Variants in WDFY3 observed in about 807,000 individuals in gnomAD.
WDFY3 encodes the protein WD repeat and FYVE domain containing 3, also known as WD repeat and FYVE domain-containing protein 3.
A neutral mutation model predicts 409.6 loss-of-function variants in WDFY3; 66 were observed. That is an observed-to-expected ratio of 0.16 (90% CI 0.13 to 0.20). The LOEUF (loss-of-function observed/expected upper bound fraction) is 0.20. Among genes scored for constraint, WDFY3 ranks in the 10% least tolerant of loss-of-function variants. WDFY3 has a pLI of 1.00. For missense variants in WDFY3, 3,031 were observed against 4,298.1 expected (o/e 0.71, Z 8.24); for synonymous variants, 1,521 against 1,537.1 (o/e 0.99, Z 0.25).
intron 43 of WDFY3, 93 bp downstream of exon 43, chr4:84,734,950 C>G (rs1737190934): frequency 9.5e-7 from 1 of 1,048,278 alleles, no homozygotes; most frequent in Non-Finnish European, 1.4e-6. Context: ...CCAGCAAGTA[C>G]CTTAAAATGG....
At chr4:84,867,067 C>A (rs973188766) in intron 3 of WDFY3, among the ~76,000 whole-genome samples, 2 of 152,168 alleles carry the variant, frequency 1.3e-5, no homozygotes, top group Non-Finnish European at 2.9e-5. Flanking sequence ...GAGTTTCTTT[C>A]ATTTATAAAA....
At chr4:84,903,812 T>C (rs1009843291) in intron 2 of WDFY3, among the ~76,000 whole-genome samples, 9 of 152,318 alleles carry the variant, frequency 5.9e-5, no homozygotes, top group Non-Finnish European at 1.3e-4. Flanking sequence ...TTCAGATATT[T>C]AAGACACTAC....
chr4:84,869,929 T>C (rs1761927774), intron 3 of WDFY3, among the ~76,000 whole-genome samples: 1 of 152,170 alleles, frequency 6.6e-6, no homozygotes, highest in Admixed American at 6.5e-5. Context: ...GTAAAACTAA[T>C]AGGATTTCTC....
At chr4:84,770,562 A>G (rs989526065) in intron 30 of WDFY3, among the ~76,000 whole-genome samples, 3 of 152,176 alleles carry the variant, frequency 2.0e-5, no homozygotes, top group African/African-American at 4.8e-5. Flanking sequence ...ATGGTTATAT[A>G]CTTCTACTTG....
At chr4:84,757,254 C>T (rs1741621162) in intron 32 of WDFY3, 93 bp from the exon 33 acceptor site, 2 of 1,112,978 alleles carry the variant, frequency 1.8e-6, no homozygotes, top group East Asian at 2.4e-5. Context: ...TATGTGTTAA[C>T]ATTTCTATCC....
chr4:84,821,923 A>G (rs1245662774), intron 10 of WDFY3, among the ~76,000 whole-genome samples: 2 of 152,186 alleles, frequency 1.3e-5, no homozygotes, highest in Non-Finnish European at 1.5e-5. Context: ...TCAATTTAAA[A>G]AGACTTTGAG....
intron 1 of WDFY3, among the ~76,000 whole-genome samples, chr4:84,965,446 T>C (rs769522580): frequency 6.6e-6 from 1 of 152,208 alleles, no homozygotes; most frequent in Non-Finnish European, 1.5e-5. Context: ...TCACATTGTT[T>C]CTGTGAAAGG....
intron 63 of WDFY3, chr4:84,682,821 G>C (rs961258382): frequency 1.4e-5 from 3 of 217,396 alleles, no homozygotes; most frequent in African/African-American, 6.9e-5. Context: ...GTCTCTACTA[G>C]AAGTACAAAA....
At chr4:84,754,184 CCA>C (rs1741014497) in intron 34 of WDFY3, among the ~76,000 whole-genome samples, 1 of 151,962 alleles carries the variant, frequency 6.6e-6, no homozygotes, top group Non-Finnish European at 1.5e-5. Flanking sequence ...GTTGGTGGTA[CCA>C]AAGTGGCTGT....
intron 13 of WDFY3, among the ~76,000 whole-genome samples, chr4:84,811,093 G>A (rs757768683): frequency 8.5e-5 from 13 of 152,096 alleles, no homozygotes; most frequent in African/African-American, 2.4e-5. Context: ...TACCTCCTGG[G>A]TTCAAGCAAT....
At chr4:84,690,345 C>CT (rs201553705) in intron 61 of WDFY3, among the ~76,000 whole-genome samples, 161 bp downstream of exon 61, 2,132 of 150,548 alleles carry the variant, frequency 0.014, 26 homozygotes, top group Middle Eastern at 0.031. Flanking sequence ...TTCTGATTTC[C>CT]TTTTTTTTTC....
At chr4:84,776,415 G>C (rs1179632799) in intron 27 of WDFY3, among the ~76,000 whole-genome samples, 1 of 152,012 alleles carries the variant, frequency 6.6e-6, no homozygotes, top group East Asian at 1.9e-4. Flanking sequence ...AGTGAGCAAT[G>C]TACTATAAAA....
At chr4:84,805,590 T>C (rs1751378239) in intron 15 of WDFY3, among the ~76,000 whole-genome samples, 1 of 152,190 alleles carries the variant, frequency 6.6e-6, no homozygotes, top group African/African-American at 2.4e-5. Context: ...TTTGCAAAGA[T>C]AGGATAAAAT....
chr4:84,679,550 G>C (rs552636956), intron 64 of WDFY3, among the ~76,000 whole-genome samples: 1 of 152,222 alleles, frequency 6.6e-6, no homozygotes, highest in South Asian at 2.1e-4. Context: ...GCTGCAGCTA[G>C]ATGGTGTCAC....
intron 2 of WDFY3, among the ~76,000 whole-genome samples, chr4:84,900,501 C>A (rs1766210006): frequency 6.6e-6 from 1 of 152,194 alleles, no homozygotes; most frequent in Non-Finnish European, 1.5e-5. Flanking sequence ...TCATGAGCCA[C>A]TGCATCCAGA....
chr4:84,854,268 G>GA (rs1759442463), intron 4 of WDFY3, among the ~76,000 whole-genome samples: 1 of 152,130 alleles, frequency 6.6e-6, no homozygotes, highest in Admixed American at 6.5e-5. Context: ...GTACAGGAAT[G>GA]AAAATGAGGC....
At chr4:84,855,185 G>C in intron 4 of WDFY3, among the ~76,000 whole-genome samples, 1 of 152,168 alleles carries the variant, frequency 6.6e-6, no homozygotes, top group East Asian at 1.9e-4. Flanking sequence ...GGTTCTACTA[G>C]TAGCCTCATT....
At chr4:84,952,416 A>C (rs1019545511) in intron 1 of WDFY3, among the ~76,000 whole-genome samples, 2 of 152,372 alleles carry the variant, frequency 1.3e-5, no homozygotes, top group Non-Finnish European at 1.5e-5. Flanking sequence ...CAAAGAAATT[A>C]GCTTTCAGAA....
intron 40 of WDFY3, among the ~76,000 whole-genome samples, chr4:84,737,829 C>T (rs2149204653): frequency 6.6e-6 from 1 of 152,264 alleles, no homozygotes; most frequent in Admixed American, 6.5e-5. Flanking sequence ...CCTGACTCCT[C>T]CTCCAGACCA....
Sources: gnomAD v4.1 joint callset for allele counts (sites outside exome capture counted in the v4.1 genomes callset) on GRCh38, gnomAD v4.1.1 for gene constraint, MANE v1.5 for transcripts, NCBI Gene and HGNC (gene_info 2026-07-23, HGNC 2026-07-21) for gene names.